The following PCSK5 variants were observed in gnomAD, a reference collection of about 807,000 sequenced individuals.
PCSK5 encodes prohormone convertase 5.
In PCSK5, 129 loss-of-function variants were observed where a neutral mutation model predicts 233.2. The observed-to-expected ratio is 0.55, with a 90% confidence interval of 0.48 to 0.64. The LOEUF (loss-of-function observed/expected upper bound fraction) is 0.64. PCSK5 is among the 30% of genes least tolerant of loss of function. The pLI is 0.00. For missense variants in PCSK5, 2,076 were observed against 2,430.1 expected (o/e 0.85, Z 3.06); for synonymous variants, 825 against 879.2 (o/e 0.94, Z 1.09).
rs143188358 is a variant in PCSK5 at position 75,932,537 on chromosome 9, T to C, written c.297+54T>C. 3.3e-5 allele frequency: 34 copies of C among 1,036,544 alleles called. No individual in the cohort carries two copies. The African/African-American group carries it at 3.9e-4, about 12-fold the overall frequency. The allele number at this position is 1,036,544 out of a possible 1,614,324, so 64.2% of individuals were successfully genotyped here. ...AGAGGCAAAGCTTCTGCATTTTTCA[T>C]TGGTAATAACACACTAGGGGCTGAG... On this transcript the variant is annotated intron_variant, in intron 2 of 37. Transcript: ENST00000674117.
chr9:75,928,534 C>T (rs1359298863), intron 1 of PCSK5, among the ~76,000 whole-genome samples: 1 of 144,084 alleles, frequency 6.9e-6, no homozygotes, highest in Non-Finnish European at 1.5e-5. Flanking sequence ...AGATAATTCT[C>T]TTCAGTAAGG....
intron 20 of PCSK5, among the ~76,000 whole-genome samples, chr9:76,219,794 C>T (rs188736351): frequency 1.2e-4 from 19 of 152,326 alleles, no homozygotes; most frequent in East Asian, 7.7e-4. Context: ...TCTCAGTAAG[C>T]GTCTCCCAAG....
chr9:76,029,200 G>A (rs1828554538), intron 5 of PCSK5, among the ~76,000 whole-genome samples: 1 of 152,114 alleles, frequency 6.6e-6, no homozygotes, highest in South Asian at 2.1e-4. Context: ...AAAGATGTTA[G>A]TATTCTCATC....
At chr9:76,311,263 G>A (rs1828858575) in intron 30 of PCSK5, among the ~76,000 whole-genome samples, 1 of 151,814 alleles carries the variant, frequency 6.6e-6, no homozygotes, top group South Asian at 2.1e-4. Context: ...AGGCTAAGGT[G>A]GGAGGATTCC....
At chr9:76,355,161 C>A (rs527622334) in intron 37 of PCSK5, among the ~76,000 whole-genome samples, 2 of 152,284 alleles carry the variant, frequency 1.3e-5, no homozygotes, top group Non-Finnish European at 2.9e-5. Flanking sequence ...AGATCTCAAA[C>A]TGACTGATTC....
intron 31 of PCSK5, among the ~76,000 whole-genome samples, chr9:76,322,347 GA>G (rs1434823165): frequency 1.3e-5 from 2 of 152,186 alleles, no homozygotes; most frequent in African/African-American, 4.8e-5. Context: ...GGATAGGAAA[GA>G]AAAGTTCGGG....
intron 1 of PCSK5, among the ~76,000 whole-genome samples, chr9:75,918,159 A>T (rs1440510956): frequency 6.6e-6 from 1 of 152,212 alleles, no homozygotes; most frequent in African/African-American, 2.4e-5. Context: ...CTAAACATAG[A>T]TTGGGCCCTT....
intron 24 of PCSK5, among the ~76,000 whole-genome samples, chr9:76,270,591 G>C (rs1035104540): frequency 1.3e-5 from 2 of 152,078 alleles, no homozygotes; most frequent in South Asian, 2.1e-4. Flanking sequence ...CCCCTTCTGT[G>C]GGGGATGGAG....
At chr9:76,179,550 C>A in intron 14 of PCSK5, 46 bp from the exon 15 acceptor site, 1 of 1,383,110 alleles carries the variant, frequency 7.2e-7, no homozygotes, top group Non-Finnish European at 1.0e-6. Context: ...AGCTGACCTG[C>A]TCTAAAATCA....
chr9:76,059,378 T>G (rs916156102), intron 5 of PCSK5, among the ~76,000 whole-genome samples: 1 of 152,236 alleles, frequency 6.6e-6, no homozygotes, highest in Non-Finnish European at 1.5e-5. Context: ...ATCCCATTTG[T>G]CAATTTGGCT....
intron 20 of PCSK5, among the ~76,000 whole-genome samples, chr9:76,192,243 A>G (rs1234864981): frequency 1.3e-5 from 2 of 152,140 alleles, no homozygotes; most frequent in Non-Finnish European, 2.9e-5. Flanking sequence ...CTTTGCTAAA[A>G]GCGGAGTGTC....
At chr9:76,109,824 C>G (rs1352169695) in intron 9 of PCSK5, among the ~76,000 whole-genome samples, 1 of 152,120 alleles carries the variant, frequency 6.6e-6, no homozygotes. Flanking sequence ...AGCTGAAAAT[C>G]ACGGGAAAGA....
intron 3 of PCSK5, among the ~76,000 whole-genome samples, chr9:76,002,657 T>C (rs1380980241): frequency 6.6e-6 from 1 of 152,190 alleles, no homozygotes; most frequent in African/African-American, 2.4e-5. Context: ...CAGCAAAACA[T>C]TGTGTCCATC....
chr9:76,051,106 C>T (rs1228553517), intron 5 of PCSK5, among the ~76,000 whole-genome samples: 3 of 152,200 alleles, frequency 2.0e-5, no homozygotes. Context: ...AAGACTTCAT[C>T]ATTTATCTGT....
chr9:76,121,129 C>G (rs1832614149), intron 9 of PCSK5, among the ~76,000 whole-genome samples: 1 of 151,602 alleles, frequency 6.6e-6, no homozygotes, highest in African/African-American at 2.4e-5. Context: ...CCTTCTGTTT[C>G]ACTTTTTGTC....
chr9:76,252,276 AAATAAT>A (rs1187517466), intron 24 of PCSK5, among the ~76,000 whole-genome samples: 1 of 148,032 alleles, frequency 6.8e-6, no homozygotes, highest in Non-Finnish European at 1.5e-5. Flanking sequence ...GTCTCAGAAA[AAATAAT>A]AATAATAATA....
intron 5 of PCSK5, among the ~76,000 whole-genome samples, chr9:76,053,454 T>C (rs192208312): frequency 3.9e-5 from 6 of 152,332 alleles, no homozygotes; most frequent in African/African-American, 1.4e-4. Context: ...TTTCTATTGC[T>C]TCGTTAGGCT....
rs780435188 is a variant in PCSK5, at chr9:76,240,604, C to T, written c.3074-12C>T. The T allele has an allele frequency of 2.6e-6, 4 of 1,554,928 alleles. No individual in the cohort carries two copies. In the Admixed American group the frequency reaches 7.6e-5, roughly 29 times the overall value. ...GAAATGAGTTGTGTTTTTCACTTCT[C>T]TGTCTGTGTAGGTGAAGTCCAAGAC... On this transcript the variant is annotated splice_polypyrimidine_tract_variant and intron_variant, in intron 23 of 37. Coordinates refer to ENST00000674117, the MANE Select transcript of PCSK5 (RefSeq NM_001372043.1).
At chr9:76,021,261 A>G (rs1828173275) in intron 3 of PCSK5, among the ~76,000 whole-genome samples, 1 of 152,190 alleles carries the variant, frequency 6.6e-6, no homozygotes, top group Non-Finnish European at 1.5e-5. Context: ...AAGATTCAAC[A>G]GTCAACAACA....
Sources: gnomAD v4.1 joint callset for allele counts (sites outside exome capture counted in the v4.1 genomes callset) on GRCh38, gnomAD v4.1.1 for gene constraint, MANE v1.5 for transcripts, NCBI Gene and HGNC (gene_info 2026-07-23, HGNC 2026-07-21) for gene names.